HTR2C: variants seen among roughly 807,000 people sequenced by gnomAD.
HTR2C encodes the protein 5-hydroxytryptamine (serotonin) receptor 2C, G protein-coupled.
A neutral mutation model predicts 21.0 loss-of-function variants in HTR2C; 5 were observed. That is an observed-to-expected ratio of 0.24 (90% CI 0.12 to 0.50). The LOEUF is 0.50. Among genes scored for constraint, HTR2C ranks in the 20% least tolerant of loss-of-function variants. The pLI is 0.98. For synonymous variants in HTR2C, 150 were observed against 145.3 expected, an observed-to-expected ratio of 1.03 and a Z score of -0.23; for missense variants, 271 against 371.2, an observed-to-expected ratio of 0.73 and a Z score of 2.22.
At chrX:114,722,067 A>G (rs1556420836) in intron 2 of HTR2C, among the ~76,000 whole-genome samples, 1 of 109,912 alleles carries the variant, frequency 9.1e-6, no homozygotes. Context: ...AGTCCTTGGT[A>G]GCTTGATGGG....
chrX:114,672,508 G>A lies in HTR2C; in HGVS notation c.-79-54350G>A, dbSNP rs138147421. Among the ~76,000 whole-genome samples the A allele has an allele frequency of 2.8e-3, 310 of 111,686 alleles. 1 individual carries two copies. Among genetic ancestry groups the A allele is most frequent in the African/African-American group, 9.4e-3 (290 of 30,765 alleles). ...CTTAAGCTAAATTATTTTTTAAAGG[G>A]GTATGCTATCTATAAGACTTGGGCA... On this transcript the variant is annotated intron_variant, in intron 2 of 5. Transcript: ENST00000276198.
At chrX:114,753,096 T>TA (rs1181086554) in intron 4 of HTR2C, among the ~76,000 whole-genome samples, 1 of 67,163 alleles carries the variant, frequency 1.5e-5, no homozygotes, top group Non-Finnish European at 3.0e-5. Context: ...AATGACACTC[T>TA]AGTGACTTCC....
chrX:114,723,217 T>C (rs1208862849), intron 2 of HTR2C, among the ~76,000 whole-genome samples: 1 of 111,145 alleles, frequency 9.0e-6, no homozygotes, highest in African/African-American at 3.3e-5. Flanking sequence ...TATTCAGAGA[T>C]TCAACTTCTT....
chrX:114,617,435 G>A (rs1448205357), intron 2 of HTR2C, among the ~76,000 whole-genome samples: 1 of 111,530 alleles, frequency 9.0e-6, no homozygotes, highest in Non-Finnish European at 1.9e-5. Context: ...GCAAGATCCT[G>A]TCTCAAAAAG....
rs945137018 is a variant in HTR2C, at chrX:114,846,535, A to T, written c.350-1468A>T. ...GAAACTAATCAATGTAATGTATCACATTAATAGAATGAAGGTATGCAAACC... is the reference window on the plus strand; with the variant it reads ...GAAACTAATCAATGTAATGTATCACTTTAATAGAATGAAGGTATGCAAACC... On this transcript the variant is annotated intron_variant, in intron 4 of 5. Coordinates refer to ENST00000276198, the MANE Select transcript of HTR2C (RefSeq NM_000868.4). Among the ~76,000 whole-genome samples the T allele has an allele frequency of 3.6e-5, 4 of 112,365 alleles. No individual in the cohort carries two copies. In the East Asian group the frequency reaches 1.1e-3, roughly 32 times the overall value.
chrX:114,899,496 C>T (rs1393763984), intron 5 of HTR2C, among the ~76,000 whole-genome samples: 1 of 111,093 alleles, frequency 9.0e-6, no homozygotes, highest in East Asian at 2.8e-4. Context: ...CTGTGTTGGA[C>T]CCAAGGCCCT....
intron 2 of HTR2C, among the ~76,000 whole-genome samples, chrX:114,718,971 T>C (rs868994289): frequency 4.3e-5 from 2 of 46,584 alleles, no homozygotes; most frequent in African/African-American, 1.3e-4. Context: ...ATATTAATAT[T>C]TAATATATAT....
chrX:114,626,448 T>C (rs1929385171), intron 2 of HTR2C, among the ~76,000 whole-genome samples: 1 of 110,904 alleles, frequency 9.0e-6, no homozygotes, highest in African/African-American at 3.3e-5. Context: ...CTTTGTCTCA[T>C]AGTTTTGATG....
chrX:114,863,438 A>AT (rs1347842048), intron 5 of HTR2C, among the ~76,000 whole-genome samples: 18 of 111,199 alleles, frequency 1.6e-4, no homozygotes, highest in Non-Finnish European at 5.7e-5. Flanking sequence ...ATGTTTGTGC[A>AT]TTTTCTAATA....
At chrX:114,601,848 C>T (rs1247534072) in intron 1 of HTR2C, among the ~76,000 whole-genome samples, 3 of 98,159 alleles carry the variant, frequency 3.1e-5, no homozygotes, top group Admixed American at 2.3e-4. Context: ...CTGCTTCAAG[C>T]AGGATTAGGG....
chrX:114,696,774 C>T (rs1263774567), intron 2 of HTR2C, among the ~76,000 whole-genome samples: 4 of 29,931 alleles, frequency 1.3e-4, no homozygotes, highest in Admixed American at 6.5e-4. Flanking sequence ...TATTGCTCAT[C>T]TTTCTTCTAT....
chrX:114,725,598 T>G (rs1172435560), intron 2 of HTR2C, among the ~76,000 whole-genome samples: 1 of 112,061 alleles, frequency 8.9e-6, no homozygotes, highest in Non-Finnish European at 1.9e-5. Context: ...CGCTCTGCAT[T>G]TTAGAGTTTC....
At chrX:114,795,029 C>G in intron 4 of HTR2C, among the ~76,000 whole-genome samples, 1 of 109,175 alleles carries the variant, frequency 9.2e-6, no homozygotes. Context: ...CACATCCTCT[C>G]CAGCACCTGT....
chrX:114,820,712 C>T (rs1347630120), intron 4 of HTR2C, among the ~76,000 whole-genome samples: 3 of 110,783 alleles, frequency 2.7e-5, no homozygotes, highest in Non-Finnish European at 5.7e-5. Context: ...TCCTCATTTT[C>T]TCTTGCTGCT....
chrX:114,814,215 C>A (rs1167432107), intron 4 of HTR2C, among the ~76,000 whole-genome samples: 1 of 109,465 alleles, frequency 9.1e-6, no homozygotes, highest in African/African-American at 3.3e-5. Flanking sequence ...GAAAGCATAT[C>A]TCAGACCTCA....
intron 2 of HTR2C, among the ~76,000 whole-genome samples, chrX:114,726,361 G>A (rs189014054): frequency 0.019 from 2,107 of 112,211 alleles, 15 homozygotes; most frequent in Non-Finnish European, 0.027. Context: ...GCAATGCCTC[G>A]CCCTGCTTCG....
At position 114,813,678 on chromosome X, in the gene HTR2C, C is replaced by T. The variant is rs920760222; in HGVS notation, c.350-34325C>T. 1.5e-4 allele frequency among the ~76,000 whole-genome samples: 17 copies of T among 110,719 alleles called. 1 individual carries two copies. In the Admixed American group the frequency reaches 1.6e-3, roughly 11 times the overall value. ...CAGTGAGACCAGCTGCTAAACAGCCCGGCCACAGAGGGCAAGAGTCATTTG... is the reference window on the plus strand; with the variant it reads ...CAGTGAGACCAGCTGCTAAACAGCCTGGCCACAGAGGGCAAGAGTCATTTG... On this transcript the variant is annotated intron_variant, in intron 4 of 5. Coordinates refer to ENST00000276198, the MANE Select transcript of HTR2C (RefSeq NM_000868.4).
At chrX:114,607,033 G>A (rs1028985767) in intron 1 of HTR2C, among the ~76,000 whole-genome samples, 1 of 108,463 alleles carries the variant, frequency 9.2e-6, no homozygotes, top group African/African-American at 3.5e-5. Flanking sequence ...GAGCCAGGAT[G>A]ATCCAGGAAA....
chrX:114,702,224 T>C (rs1261931393), intron 2 of HTR2C, among the ~76,000 whole-genome samples: 1 of 108,804 alleles, frequency 9.2e-6, no homozygotes, highest in Non-Finnish European at 1.9e-5. Context: ...ACAAAGATAC[T>C]CCTCGAGAAA....
Sources: allele counts gnomAD v4.1 joint callset (sites outside exome capture counted in the v4.1 genomes callset), GRCh38; gene constraint gnomAD v4.1.1; transcripts MANE v1.5; gene names NCBI Gene and HGNC (gene_info 2026-07-23, HGNC 2026-07-21).